Variants in ARHGAP42 observed in about 807,000 individuals in gnomAD.
ARHGAP42 encodes Rho GTPase activating protein 42.
A neutral mutation model predicts 125.0 loss-of-function variants in ARHGAP42; 63 were observed. The ratio of observed to expected loss-of-function variants is 0.50; its 90% CI spans 0.41 to 0.62. The LOEUF is 0.62. ARHGAP42 is among the 20% of genes least tolerant of loss of function. ARHGAP42 has a pLI of 0.00. For synonymous variants in ARHGAP42, 339 were observed against 351.0 expected (o/e 0.97, Z 0.38); for missense variants, 766 against 1,024.2 (o/e 0.75, Z 3.44).
At chr11:100,731,893 A>G (rs893835674) in intron 1 of ARHGAP42, among the ~76,000 whole-genome samples, 4 of 152,024 alleles carry the variant, frequency 2.6e-5, no homozygotes, top group African/African-American at 4.8e-5. Flanking sequence ...TGCCTTTTCC[A>G]TGTTTTTCTA....
At chr11:100,812,694 A>AC (rs1864175281) in intron 3 of ARHGAP42, among the ~76,000 whole-genome samples, 1 of 152,236 alleles carries the variant, frequency 6.6e-6, no homozygotes, top group Non-Finnish European at 1.5e-5. Flanking sequence ...GCAAGTACAA[A>AC]GGTCCTGAGG....
intron 1 of ARHGAP42, among the ~76,000 whole-genome samples, chr11:100,747,642 T>A (rs1383805020): frequency 6.6e-6 from 1 of 152,130 alleles, no homozygotes. Flanking sequence ...AAAACAAAAA[T>A]TTTTTTTAAC....
At chr11:100,729,149 C>T (rs961179683) in intron 1 of ARHGAP42, among the ~76,000 whole-genome samples, 1 of 151,942 alleles carries the variant, frequency 6.6e-6, no homozygotes, top group Non-Finnish European at 1.5e-5. Context: ...TTAGCCAAAC[C>T]ATTTACTTTT....
chr11:100,943,946 A>G (rs1406713673), intron 10 of ARHGAP42, 78 bp downstream of exon 10: 3 of 939,646 alleles, frequency 3.2e-6, no homozygotes, highest in Non-Finnish European at 4.7e-6. Flanking sequence ...TAAACATGAA[A>G]CAGCATTCAA....
Position 100,882,954 on chromosome 11 carries a change from C to T in ARHGAP42, c.384+23329C>T, listed in dbSNP as rs146802728. ...TCTGTCATGTCTGTCAAAATAGCTC[C>T]CATTTCATTTCTAATTGACCTTATT... is the stretch of plus-strand genomic sequence containing the variant. On this transcript the variant is annotated intron_variant, in intron 4 of 23. Transcript: ENST00000298815. Among the ~76,000 whole-genome samples, 564 of 152,244 alleles carry T rather than the reference C, an allele frequency of 3.7e-3. 1 individual carries two copies. Among genetic ancestry groups the T allele is most frequent in the Non-Finnish European group, 3.9e-3 (268 of 68,008 alleles).
At chr11:100,767,091 T>C (rs1349694507) in intron 1 of ARHGAP42, among the ~76,000 whole-genome samples, 1 of 152,186 alleles carries the variant, frequency 6.6e-6, no homozygotes, top group African/African-American at 2.4e-5. Flanking sequence ...CCTGAGCACT[T>C]TCCAAGGTTA....
chr11:100,850,159 T>C (rs1418070811), intron 3 of ARHGAP42, among the ~76,000 whole-genome samples: 4 of 152,150 alleles, frequency 2.6e-5, no homozygotes, highest in African/African-American at 9.7e-5. Flanking sequence ...ACTGAAACCG[T>C]GTTTGGGGAT....
chr11:100,746,464 G>A (rs901357610), intron 1 of ARHGAP42, among the ~76,000 whole-genome samples: 6 of 152,226 alleles, frequency 3.9e-5, no homozygotes, highest in African/African-American at 1.2e-4. Flanking sequence ...CTGGGCCTCC[G>A]GCCCACCGTG....
intron 5 of ARHGAP42, among the ~76,000 whole-genome samples, chr11:100,917,488 C>A (rs1383464543): frequency 2.0e-5 from 3 of 152,100 alleles, no homozygotes; most frequent in Admixed American, 6.6e-5. Flanking sequence ...TGAAATCTTG[C>A]ACCTCACCCT....
At chr11:100,949,058 C>A (rs1044636425) in intron 11 of ARHGAP42, among the ~76,000 whole-genome samples, 22 of 152,006 alleles carry the variant, frequency 1.4e-4, no homozygotes, top group Admixed American at 2.0e-4. Flanking sequence ...AATAGGAAGG[C>A]TTACGTAAAA....
chr11:100,989,967 C>G lies in ARHGAP42; in HGVS notation c.*1166C>G, dbSNP rs1858789011. ...ATCTTCAGCAGAAATAAAATCTGTA[C>G]ATGATTTTCTTTTATGCCTTTTAGT... On this transcript the variant is annotated 3_prime_UTR_variant, in exon 24 of 24. Coordinates refer to ENST00000298815, the MANE Select transcript of ARHGAP42 (RefSeq NM_152432.4). The G allele has an allele frequency of 6.6e-6, 1 of 152,108 alleles. No homozygotes were observed. The highest frequency in any genetic ancestry group is 1.5e-5 in the Non-Finnish European group (1 of 68,012). The allele number at this position is 152,108 out of a possible 1,614,324, so 9.4% of individuals were successfully genotyped here. A position where few individuals can be genotyped will look rare whatever the true frequency, so the allele number is the denominator to read the frequency against.
In ARHGAP42 at chr11:100,992,261, AT is replaced by A; in HGVS notation, c.*3464del. 1.3e-6 allele frequency: 2 copies of A among 1,537,992 alleles called. No individual in the cohort carries two copies. The highest frequency in any genetic ancestry group is 1.7e-6 in the Non-Finnish European group (2 of 1,147,046). The stretch of plus-strand genomic sequence containing the variant: ...AGAGGCAGACCAATTTAGGGAACAG[AT>A]TTTGTTCTTTGCTTTTATGATACAT... On this transcript the variant is annotated 3_prime_UTR_variant, in exon 24 of 24. Coordinates refer to ENST00000298815, the MANE Select transcript of ARHGAP42 (RefSeq NM_152432.4).
Position 100,859,600 on chromosome 11 carries a change from G to A in ARHGAP42, c.359G>A (p.Arg120Gln), listed in dbSNP as rs1271579472. Residue 120 changes from arginine (R) to glutamine (Q), a missense_variant, in exon 4 of 24, where the codon CGA (arginine) becomes CAA (glutamine). Around this residue, in one of 3 missense-constraint regions of ARHGAP42, gnomAD observed 455 missense variants for 636.5 expected, o/e 0.71. Transcript: ENST00000298815. ...DVLIAPLEKFRKEQIGAAKDG... is the reference protein window; with the variant it reads ...DVLIAPLEKFQKEQIGAAKDG... Reference sequence around the variant, plus strand: ...TTAATTGCACCACTTGAGAAATTTCGAAAAGAACAGATAGGTGCAGCAAAA... The same window carrying A: ...TTAATTGCACCACTTGAGAAATTTCAAAAAGAACAGATAGGTGCAGCAAAA... 1.2e-5 allele frequency: 18 copies of A among 1,522,316 alleles called. No homozygotes were observed. Among genetic ancestry groups the A allele is most frequent in the Admixed American group, 2.2e-5 (1 of 45,764 alleles). The allele number at this position is 1,522,316 out of a possible 1,614,324, so 94.3% of individuals were successfully genotyped here.
intron 8 of ARHGAP42, 73 bp downstream of exon 8, chr11:100,936,405 T>C (rs1209130843): frequency 4.6e-6 from 7 of 1,514,842 alleles, no homozygotes; most frequent in African/African-American, 1.4e-5. Flanking sequence ...TGGTTAGTAG[T>C]ATTTCCTTCA....
At chr11:100,943,184 G>C (rs1867926889) in intron 9 of ARHGAP42, among the ~76,000 whole-genome samples, 1 of 151,486 alleles carries the variant, frequency 6.6e-6, no homozygotes, top group Non-Finnish European at 1.5e-5. Flanking sequence ...ACTTTTAATG[G>C]GAAAACCATA....
intron 1 of ARHGAP42, among the ~76,000 whole-genome samples, chr11:100,766,039 A>G (rs992267876): frequency 1.3e-5 from 2 of 152,196 alleles, no homozygotes; most frequent in African/African-American, 4.8e-5. Context: ...TATTCCTCTA[A>G]TGAAATGAAG....
At chr11:100,821,066 A>G (rs1864395119) in intron 3 of ARHGAP42, among the ~76,000 whole-genome samples, 2 of 152,074 alleles carry the variant, frequency 1.3e-5, no homozygotes, top group South Asian at 2.1e-4. Context: ...GAAGGCTTAC[A>G]ATCTAGTTAA....
chr11:100,868,182 C>A (rs1048689062), intron 4 of ARHGAP42, among the ~76,000 whole-genome samples: 1 of 152,044 alleles, frequency 6.6e-6, no homozygotes, highest in Admixed American at 6.6e-5. Context: ...GCACTAATAA[C>A]CTTTCCAGAC....
At chr11:100,835,972 G>C (rs938012058) in intron 3 of ARHGAP42, among the ~76,000 whole-genome samples, 13 of 152,000 alleles carry the variant, frequency 8.6e-5, no homozygotes, top group Admixed American at 2.6e-4. Flanking sequence ...TGATAATGAA[G>C]CCAGCCGAAC....
Sources: allele counts gnomAD v4.1 joint callset (sites outside exome capture counted in the v4.1 genomes callset), GRCh38; gene constraint gnomAD v4.1.1; regional missense constraint gnomAD v4.1.1; transcripts MANE v1.5; gene names NCBI Gene and HGNC (gene_info 2026-07-23, HGNC 2026-07-21).